COL1A1: variants seen among roughly 807,000 people sequenced by gnomAD.
COL1A1 encodes the protein collagen alpha-1(I) chain.
In COL1A1, 21 loss-of-function variants were observed where a neutral mutation model predicts 195.7. That is an observed-to-expected ratio of 0.11 (90% CI 0.08 to 0.15). COL1A1 has a LOEUF of 0.15. COL1A1 is among the 10% of genes least tolerant of loss of function. The pLI is 1.00. For synonymous variants in COL1A1, 749 were observed against 747.3 expected (o/e 1.00, Z -0.04); for missense variants, 1,365 against 2,051.0 (o/e 0.67, Z 6.46).
intron 25 of COL1A1, chr17:50,193,379 T>A (rs1002076072): frequency 1.6e-5 from 7 of 446,132 alleles, no homozygotes; most frequent in Admixed American, 1.2e-4. Flanking sequence ...GCCTGTCCTA[T>A]CCCCACGTGT....
At position 50,197,071 on chromosome 17, in the gene COL1A1, G is replaced by T. The variant is rs1175310597; in HGVS notation, c.751-8C>A. ...GGGCAATCCTCGAGCACCCTGGAGAGAGATGAAGAAGACAAGGAAGGGCCA... is the reference window on the plus strand; with the variant it reads ...GGGCAATCCTCGAGCACCCTGGAGATAGATGAAGAAGACAAGGAAGGGCCA... On this transcript the variant is annotated splice_region_variant and splice_polypyrimidine_tract_variant and intron_variant, in intron 10 of 50. Transcript: ENST00000225964. 2.5e-6 allele frequency: 4 copies of T among 1,614,178 alleles called. No individual in the cohort carries two copies. The South Asian group carries it at 4.4e-5, about 18-fold the overall frequency.
chr17:50,189,635 A>T lies in COL1A1; in HGVS notation c.2667+44T>A. ...ACCATCCTTCTGGCAGCCCCCACCC[A>T]GCACCCCCAACCTAGAGCAGTGGAC... On this transcript the variant is annotated intron_variant, in intron 38 of 50. Transcript: ENST00000225964. This position sits in a 1 kb window ranked among gnomAD's most constrained non-coding sequence, Gnocchi z 5.5. The T allele has an allele frequency of 6.2e-7, 1 of 1,612,962 alleles. No individual in the cohort carries two copies.
chr17:50,187,768 C>T, intron 45 of COL1A1, 108 bp downstream of exon 45: 4 of 1,144,550 alleles, frequency 3.5e-6, no homozygotes, highest in Admixed American at 2.0e-5. Context: ...CCCCAGTCCC[C>T]ACTAGGGAGG....
Position 50,196,152 on chromosome 17 carries a change from C to T in COL1A1, c.1002+3G>A. 6.2e-7 allele frequency: 1 copy of T among 1,614,072 alleles called. No individual in the cohort carries two copies. The highest frequency in any genetic ancestry group is 8.5e-7 in the Non-Finnish European group (1 of 1,179,972). On this transcript the variant is annotated splice_donor_region_variant and intron_variant, in intron 15 of 50. Transcript: ENST00000225964. ...GGCCCTGAGGCCTACAGGCCACACT[C>T]ACAGGGGGCCCGGCAGCACCAGTAG...
In COL1A1 at chr17:50,190,682, T is replaced by C; in HGVS notation, c.2344-86A>G. Reference sequence around the variant, plus strand: ...ACCCCAGGAGAGCCTCCCCTCCTTCTGGTCCCTCCAGGTTCCCAGGTTGAC... The same window carrying C: ...ACCCCAGGAGAGCCTCCCCTCCTTCCGGTCCCTCCAGGTTCCCAGGTTGAC... On this transcript the variant is annotated intron_variant, in intron 33 of 50. Transcript: ENST00000225964. This position sits in a 1 kb window ranked among gnomAD's most constrained non-coding sequence, Gnocchi z 4.7. 6.5e-7 allele frequency: 1 copy of C among 1,540,148 alleles called. No homozygotes were observed. Among genetic ancestry groups the C allele is most frequent in the Non-Finnish European group, 8.9e-7 (1 of 1,118,844 alleles).
Position 50,188,078 on chromosome 17 carries a change from A to G in COL1A1, c.3261+18T>C, listed in dbSNP as rs759589224. ...CTGTAGAGTTCTAAAGGCATGGGGG[A>G]CACAGCAGGGTACTTACGGCGGGGC... On this transcript the variant is annotated intron_variant, in intron 44 of 50. Coordinates refer to ENST00000225964, the MANE Select transcript of COL1A1 (RefSeq NM_000088.4). This position sits in a 1 kb window ranked among gnomAD's most constrained non-coding sequence, Gnocchi z 5.6. 45 of 1,612,624 alleles carry G rather than the reference A, an allele frequency of 2.8e-5. No individual in the cohort carries two copies. Among genetic ancestry groups the G allele is most frequent in the Non-Finnish European group, 3.7e-5 (44 of 1,179,340 alleles).
Position 50,184,475 on chromosome 17 carries a change from C to CAAAAAA in COL1A1, c.*1021_*1026dup, listed in dbSNP as rs58879635. On this transcript the variant is annotated 3_prime_UTR_variant, in exon 51 of 51. Transcript: ENST00000225964. ...AGAAAAATTCACAAGTCCCCATCCA[C>CAAAAAA]AAAAAAAAAAAAAAAAAAAGAAAAA... 5 of 108,006 alleles carry CAAAAAA rather than the reference C, an allele frequency of 4.6e-5. No homozygotes were observed. The highest frequency in any genetic ancestry group is 4.4e-5 in the African/African-American group (1 of 22,674). 6.7% of individuals were successfully genotyped at this position (108,006 alleles called of 1,614,324 possible).
At position 50,186,823 on chromosome 17, in the gene COL1A1, C is replaced by T. The variant is rs1241680643; in HGVS notation, c.3631G>A (p.Asp1211Asn). ...TCAGCCCGGTAGTAGCGGCCACCAT[C>T]GTGAGCCTTCTCTTGAGGTGGCTGG... The part of the protein sequence containing the change: ...LPQPPQEKAH[D>N]GGRYYRADDA... The change falls in exon 48 of 51, where the codon GAT becomes AAT. Residue 1211 changes from aspartate to asparagine, a missense_variant. This residue lies in a region of COL1A1 where 671 missense variants were observed against 1,099.9 expected (regional missense o/e 0.61). Transcript: ENST00000225964. The surrounding 1 kb of genome is among the most constrained non-coding windows in gnomAD (Gnocchi z 5.3). 6 of 1,614,162 alleles carry T rather than the reference C, an allele frequency of 3.7e-6. No individual in the cohort carries two copies. The highest frequency in any genetic ancestry group is 5.1e-6 in the Non-Finnish European group (6 of 1,180,042).
chr17:50,196,836 C>T (rs963486973), intron 11 of COL1A1, among the ~76,000 whole-genome samples, 166 bp from the exon 12 acceptor site: 5 of 152,180 alleles, frequency 3.3e-5, no homozygotes, highest in South Asian at 4.1e-4. Flanking sequence ...ATCGTTTAAT[C>T]GGGACTGCTT....
rs760638827 is a variant in COL1A1 at position 50,194,385 on chromosome 17, A to T, written c.1578T>A (p.Ala526=). ...GCAGACCAGCTTCACCGGGACGACC[A>T]GCTTCACCAGGAGATCCTTTGGGGC... ...PAGPKGSPGE[A]GRPGEAGLPG... The change falls in exon 23 of 51, where the codon GCT becomes GCA. Residue 526 remains alanine (A), a synonymous_variant. Transcript: ENST00000225964. The surrounding 1 kb of genome is among the most constrained non-coding windows in gnomAD (Gnocchi z 6.8). The T allele has an allele frequency of 6.2e-7, 1 of 1,614,128 alleles. No individual in the cohort carries two copies.
At position 50,186,905 on chromosome 17, in the gene COL1A1, AG is replaced by A; in HGVS notation, c.3548del (p.Pro1183LeufsTer56). 6.2e-7 allele frequency: 1 copy of A among 1,613,860 alleles called. No homozygotes were observed. Among genetic ancestry groups the A allele is most frequent in the Non-Finnish European group, 8.5e-7 (1 of 1,179,946 alleles). On this transcript the variant is annotated frameshift_variant, in exon 48 of 51. Coordinates refer to ENST00000225964, the MANE Select transcript of COL1A1 (RefSeq NM_000088.4). LOFTEE classifies it high-confidence loss of function. The surrounding 1 kb of genome is among the most constrained non-coding windows in gnomAD (Gnocchi z 5.3). ...DAGPVGPPGP[P>X]GPPGPPGPPS... ...GAGGACCAGGGGGACCAGGAGGTCCAGGAGGGCCGGGGGGACCCTGCACAGA... is the reference window on the plus strand; with the variant it reads ...GAGGACCAGGGGGACCAGGAGGTCCAGAGGGCCGGGGGGACCCTGCACAGA...
Position 50,194,167 on chromosome 17 carries a change from G to A in COL1A1, c.1631C>T (p.Pro544Leu). 2 of 1,613,842 alleles carry A rather than the reference G, an allele frequency of 1.2e-6. No individual in the cohort carries two copies. The highest frequency in any genetic ancestry group is 1.7e-6 in the Non-Finnish European group (2 of 1,179,986). The change falls in exon 24 of 51, where the codon CCT (proline) becomes CTT (leucine). Residue 544 changes from proline to leucine, a missense_variant. Pro to Leu is a moderately conservative substitution (Grantham distance 98). This residue lies in a region of COL1A1 where 671 missense variants were observed against 1,099.9 expected (regional missense o/e 0.61). Transcript: ENST00000225964. The surrounding 1 kb of genome is among the most constrained non-coding windows in gnomAD (Gnocchi z 6.8). ...TTTGCCATCAGGACCAGGGCTGCCA[G>A]GGCTTCCAGTCAGACCCTAGGGAGG... ...LPGAKGLTGS[P>L]GSPGPDGKTG...
chr17:50,197,076 G>A lies in COL1A1; in HGVS notation c.751-13C>T, dbSNP rs1907661916. The stretch of plus-strand genomic sequence containing the variant: ...ATCCTCGAGCACCCTGGAGAGAGAT[G>A]AAGAAGACAAGGAAGGGCCATTAGA... On this transcript the variant is annotated splice_polypyrimidine_tract_variant and intron_variant, in intron 10 of 50. Transcript: ENST00000225964. 2 of 1,614,036 alleles carry A rather than the reference G, an allele frequency of 1.2e-6. No homozygotes were observed. The highest frequency in any genetic ancestry group is 1.7e-6 in the Non-Finnish European group (2 of 1,180,036).
rs756537503 is a variant in COL1A1 at position 50,189,427 on chromosome 17, G to A, written c.2779C>T (p.Pro927Ser). Residue 927 changes from proline to serine, a missense_variant, in exon 39 of 51, where the codon CCC (proline) becomes TCC (serine). By Grantham distance (74) the Pro-to-Ser change is moderately conservative. Transcript: ENST00000225964. The surrounding 1 kb of genome is among the most constrained non-coding windows in gnomAD (Gnocchi z 5.5). ...GRPGEVGPPG[P>S]PGPAGEKGSP... ...CCTTTCTCGCCAGCAGGGCCAGGGG[G>A]ACCAGGGGGACCAACTTCACCAGGA... 11 of 1,613,794 alleles carry A rather than the reference G, an allele frequency of 6.8e-6. No individual in the cohort carries two copies. The highest frequency in any genetic ancestry group is 5.3e-5 in the African/African-American group (4 of 74,846).
chr17:50,189,809 G>T lies in COL1A1; in HGVS notation c.2613+50C>A, dbSNP rs377698671. On this transcript the variant is annotated intron_variant, in intron 37 of 50. Transcript: ENST00000225964. This position sits in a 1 kb window ranked among gnomAD's most constrained non-coding sequence, Gnocchi z 5.5. ...GACCCAGCTGCCCTCACCTGCCACC[G>T]CTGCCTGGGGAGAGGGGAGAGGCTC... 46 of 1,611,430 alleles carry T rather than the reference G, an allele frequency of 2.9e-5. No individual in the cohort carries two copies. The African/African-American group carries it at 5.1e-4, about 18-fold the overall frequency.
At position 50,201,557 on chromosome 17, in the gene COL1A1, G is replaced by A. The variant is rs777284370; in HGVS notation, c.-44C>T. 13 of 1,552,130 alleles carry A rather than the reference G, an allele frequency of 8.4e-6. No individual in the cohort carries two copies. The Admixed American group carries it at 2.3e-4, about 28-fold the overall frequency. The stretch of plus-strand genomic sequence containing the variant: ...TAGACTCTTTGTGGCTGGGGAGGGG[G>A]TTAGCGTCCGCTCATGCGTGGCCTC... On this transcript the variant is annotated 5_prime_UTR_variant, in exon 1 of 51. Transcript: ENST00000225964.
In COL1A1 at chr17:50,196,536, T is replaced by C. The variant is rs1410404001; in HGVS notation, c.859-8A>G. 6.2e-7 allele frequency: 1 copy of C among 1,614,156 alleles called. No individual in the cohort carries two copies. The highest frequency in any genetic ancestry group is 1.7e-5 in the Admixed American group (1 of 60,016). On this transcript the variant is annotated splice_polypyrimidine_tract_variant and splice_region_variant and intron_variant, in intron 12 of 50. Coordinates refer to ENST00000225964, the MANE Select transcript of COL1A1 (RefSeq NM_000088.4). Reference sequence around the variant, plus strand: ...AGGGCTGCCAGGCTCACCCTGTAGATCAGAGAATAATGAGTGAGAAATTCA... The same window carrying C: ...AGGGCTGCCAGGCTCACCCTGTAGACCAGAGAATAATGAGTGAGAAATTCA...
In COL1A1 at chr17:50,186,812, G is replaced by A. The variant is rs1438099451; in HGVS notation, c.3642C>T (p.Arg1214=). Residue 1214 remains arginine (R), a synonymous_variant, in exon 48 of 51, where the codon CGC becomes CGT. Transcript: ENST00000225964. This position sits in a 1 kb window ranked among gnomAD's most constrained non-coding sequence, Gnocchi z 5.3. ...PPQEKAHDGG[R]YYRADDANVV... ...CATTGGCATCATCAGCCCGGTAGTA[G>A]CGGCCACCATCGTGAGCCTTCTCTT... 1 of 1,614,186 alleles carries A rather than the reference G, an allele frequency of 6.2e-7. No individual in the cohort carries two copies. The highest frequency in any genetic ancestry group is 8.5e-7 in the Non-Finnish European group (1 of 1,180,048).
chr17:50,192,768 C>T (rs1907208791), intron 27 of COL1A1, 29 bp downstream of exon 27: 1 of 1,613,948 alleles, frequency 6.2e-7, no homozygotes, highest in African/African-American at 1.3e-5. Context: ...CTTTTCTGCT[C>T]CCCAGATCTC....
Sources: allele counts gnomAD v4.1 joint callset (sites outside exome capture counted in the v4.1 genomes callset), GRCh38; gene constraint gnomAD v4.1.1; regional missense constraint gnomAD v4.1.1; non-coding constraint Gnocchi (gnomAD v3.1); transcripts MANE v1.5; gene names NCBI Gene and HGNC (gene_info 2026-07-23, HGNC 2026-07-21).